The following ZNF610 variants were observed in gnomAD, a reference collection of about 807,000 sequenced individuals.
ZNF610 encodes zinc finger protein 610.
A neutral mutation model predicts 14.1 loss-of-function variants in ZNF610; 14 were observed. The observed-to-expected ratio is 0.99, with a 90% CI of 0.65 to 1.55. The LOEUF (loss-of-function observed/expected upper bound fraction) is 1.55, where lower values mean the gene tolerates loss of function less well. Ranked by LOEUF, ZNF610 falls within the 40% of genes most tolerant of loss-of-function variation. The pLI is 0.00. For synonymous variants in ZNF610, 185 were observed against 187.6 expected (o/e 0.99, Z 0.11); for missense variants, 530 against 558.0 (o/e 0.95, Z 0.51).
At chr19:52,362,569 T>C (rs73581108) in intron 5 of ZNF610, among the ~76,000 whole-genome samples, 2,469 of 152,348 alleles carry the variant, frequency 0.016, 47 homozygotes, top group African/African-American at 0.051. Context: ...TTATTTTTAA[T>C]GTAAGCACAC....
chr19:52,366,352 T>C lies in ZNF610; in HGVS notation c.974T>C (p.Phe325Ser), dbSNP rs1443128123. The change falls in exon 6 of 6, where the codon TTC (phenylalanine) becomes TCC (serine). Residue 325 changes from phenylalanine to serine, a missense_variant. Physicochemically the swap from Phe to Ser is radical, Grantham distance 155 (BLOSUM62 -2). Coordinates refer to ENST00000403906, the MANE Select transcript of ZNF610 (RefSeq NM_001161425.2). The stretch of plus-strand genomic sequence containing the variant: ...AAATGTAATGAGTGTGGCAAGAACT[T>C]CAGGCACAAATTTTCTCTAACCAAT... ...PYKCNECGKN[F>S]RHKFSLTNHQ... 6.2e-7 allele frequency: 1 copy of C among 1,614,036 alleles called. No individual in the cohort carries two copies. The highest frequency in any genetic ancestry group is 8.5e-7 in the Non-Finnish European group (1 of 1,180,006).
chr19:52,336,852 C>G (rs1263769214), intron 1 of ZNF610, among the ~76,000 whole-genome samples: 4 of 152,304 alleles, frequency 2.6e-5, no homozygotes, highest in East Asian at 1.9e-4. Flanking sequence ...TTAGGACATT[C>G]AGGATTCTTC....
intron 1 of ZNF610, among the ~76,000 whole-genome samples, chr19:52,339,431 G>A (rs370254458): frequency 3.4e-5 from 5 of 146,484 alleles, no homozygotes; most frequent in African/African-American, 5.5e-5. Flanking sequence ...AGTTCCCTGC[G>A]GCCTTCCACA....
At position 52,366,402 on chromosome 19, in the gene ZNF610, A is replaced by G. The variant is rs1913906319; in HGVS notation, c.1024A>G (p.Lys342Glu). 1.9e-6 allele frequency: 3 copies of G among 1,614,036 alleles called. No individual in the cohort carries two copies. The highest frequency in any genetic ancestry group is 2.5e-6 in the Non-Finnish European group (3 of 1,180,036). Residue 342 changes from lysine to glutamate, a missense_variant, in exon 6 of 6, where the codon AAA becomes GAA. Lys to Glu is a moderately conservative substitution (Grantham distance 56). Transcript: ENST00000403906. ...TNHQRSHTAE[K>E]PYKCNECGKV... Reference sequence around the variant, plus strand: ...TCATCAGAGAAGTCACACGGCGGAAAAACCTTACAAATGTAATGAATGTGG... The same window carrying G: ...TCATCAGAGAAGTCACACGGCGGAAGAACCTTACAAATGTAATGAATGTGG...
intron 1 of ZNF610, chr19:52,345,488 A>AT (rs1568646850): frequency 6.6e-6 from 1 of 151,974 alleles, no homozygotes; most frequent in African/African-American, 2.4e-5. Flanking sequence ...GAGGTGGTTC[A>AT]TGAGGAATGG....
At chr19:52,364,554 T>C (rs1424892264) in intron 5 of ZNF610, among the ~76,000 whole-genome samples, 2 of 152,286 alleles carry the variant, frequency 1.3e-5, no homozygotes, top group East Asian at 3.9e-4. Flanking sequence ...CTGAATATAG[T>C]ATTCTTGGTT....
chr19:52,351,929 C>G (rs1000049927), intron 3 of ZNF610, among the ~76,000 whole-genome samples: 7 of 152,184 alleles, frequency 4.6e-5, no homozygotes, highest in African/African-American at 1.7e-4. Context: ...TCCCACTGGG[C>G]TCCCAGCAGG....
At chr19:52,357,908 G>C (rs1045623482) in intron 5 of ZNF610, among the ~76,000 whole-genome samples, 1 of 152,124 alleles carries the variant, frequency 6.6e-6, no homozygotes, top group Non-Finnish European at 1.5e-5. Context: ...CTGTGTCCTG[G>C]AGTTGGCTTG....
chr19:52,335,436 C>T (rs972131053), upstream of ZNF610, among the ~76,000 whole-genome samples: 1 of 152,168 alleles, frequency 6.6e-6, no homozygotes, highest in Non-Finnish European at 1.5e-5. Context: ...CTGCCTTGGG[C>T]CAGGTAAATA....
chr19:52,346,353 C>T (rs980339223), intron 1 of ZNF610, among the ~76,000 whole-genome samples: 13 of 148,018 alleles, frequency 8.8e-5, no homozygotes, highest in East Asian at 5.8e-4. Context: ...TTAGTAGAGA[C>T]GGGGTTTCAC....
At chr19:52,345,319 A>G (rs1984885816) in intron 1 of ZNF610, 1 of 152,242 alleles carries the variant, frequency 6.6e-6, no homozygotes, top group Admixed American at 6.5e-5. Context: ...GTTACACTGG[A>G]GATGAGAAGT....
chr19:52,356,235 A>T (rs1227495394), intron 5 of ZNF610, among the ~76,000 whole-genome samples: 1 of 152,168 alleles, frequency 6.6e-6, no homozygotes, highest in East Asian at 1.9e-4. Flanking sequence ...GGTGTGTGTC[A>T]CAGGGGAGTA....
intron 5 of ZNF610, among the ~76,000 whole-genome samples, chr19:52,362,120 C>T (rs1182822803): frequency 4.6e-5 from 7 of 152,178 alleles, no homozygotes; most frequent in Non-Finnish European, 8.8e-5. Context: ...CTATGGCTCA[C>T]GCCTGTGGGA....
chr19:52,336,221 T>C (rs6509631), upstream of ZNF610: 15,652 of 231,226 alleles, frequency 0.068, 1,067 homozygotes, highest in African/African-American at 0.2. Context: ...CCGCTCTCTA[T>C]GCTGCGCGCG....
chr19:52,355,678 A>G (rs977905076), intron 5 of ZNF610, among the ~76,000 whole-genome samples: 1 of 152,202 alleles, frequency 6.6e-6, no homozygotes, highest in Admixed American at 6.5e-5. Context: ...ACACAGCTGT[A>G]AGCTGGGTTC....
intron 4 of ZNF610, 22 bp from the exon 5 acceptor site, chr19:52,354,229 G>A (rs751477777): frequency 6.8e-6 from 11 of 1,612,504 alleles, no homozygotes; most frequent in Non-Finnish European, 9.3e-6. Context: ...AGCACATCTT[G>A]TTTCTTTCTT....
chr19:52,335,507 T>G (rs1287329447), upstream of ZNF610, among the ~76,000 whole-genome samples: 2 of 152,102 alleles, frequency 1.3e-5, no homozygotes, highest in African/African-American at 4.8e-5. Flanking sequence ...GGAAACTCTC[T>G]AGAGATGAGC....
chr19:52,358,528 G>C (rs1328762696), intron 5 of ZNF610, among the ~76,000 whole-genome samples: 1 of 152,128 alleles, frequency 6.6e-6, no homozygotes, highest in African/African-American at 2.4e-5. Flanking sequence ...TGATTTGTAG[G>C]AGTTTTATGT....
upstream of ZNF610, among the ~76,000 whole-genome samples, chr19:52,331,912 C>T (rs185539190): frequency 2.0e-4 from 31 of 152,292 alleles, no homozygotes; most frequent in Non-Finnish European, 2.8e-4. Context: ...TTACAAGTGG[C>T]GCCTGAACAG....
Sources: allele counts gnomAD v4.1 joint callset (sites outside exome capture counted in the v4.1 genomes callset), GRCh38; gene constraint gnomAD v4.1.1; transcripts MANE v1.5; gene names NCBI Gene and HGNC (gene_info 2026-07-23, HGNC 2026-07-21).